Variants in EXOSC7 observed in about 807,000 individuals in gnomAD.
EXOSC7 encodes the protein exosome complex component RRP42.
In EXOSC7, 25 loss-of-function variants were observed where a neutral mutation model predicts 34.3. The observed-to-expected ratio is 0.73, with a 90% CI of 0.53 to 1.02. EXOSC7 has a LOEUF of 1.02. Ranked by LOEUF, EXOSC7 falls within the 50% of genes least tolerant of loss-of-function variation. The probability of loss-of-function intolerance (pLI) is 0.00; values close to 1 mark genes in which losing one functional copy is unlikely to be tolerated. For synonymous variants in EXOSC7, 130 were observed against 143.0 expected (o/e 0.91, Z 0.65); for missense variants, 370 against 368.5 (o/e 1.00, Z -0.03).
At chr3:45,007,622 C>T in intron 7 of EXOSC7, 47 bp downstream of exon 7, 6 of 1,513,188 alleles carry the variant, frequency 4.0e-6, no homozygotes, top group Non-Finnish European at 5.3e-6. Context: ...GCCGGGGTGC[C>T]TGCTGCTTCC....
At chr3:45,007,642 G>C (rs1707090872) in intron 7 of EXOSC7, 67 bp downstream of exon 7, 1 of 1,464,910 alleles carries the variant, frequency 6.8e-7, no homozygotes, top group African/African-American at 1.4e-5. Context: ...CTGCTCCCTT[G>C]GTCATACCGT....
Position 45,001,625 on chromosome 3 carries a change from A to G in EXOSC7, c.491+17A>G. On this transcript the variant is annotated intron_variant, in intron 5 of 7. Coordinates refer to ENST00000265564, the MANE Select transcript of EXOSC7 (RefSeq NM_015004.4). ...CAATACAAGGTAAGTCTTCCTAGAA[A>G]CAGCTCTGCGAACCTGTGGAGAACC... The G allele has an allele frequency of 6.3e-7, 1 of 1,589,634 alleles. No homozygotes were observed. The highest frequency in any genetic ancestry group is 8.6e-7 in the Non-Finnish European group (1 of 1,157,772).
At chr3:45,005,779 TC>T (rs1342347257) in intron 6 of EXOSC7, among the ~76,000 whole-genome samples, 1 of 152,010 alleles carries the variant, frequency 6.6e-6, no homozygotes, top group Non-Finnish European at 1.5e-5. Context: ...GCGAACACTG[TC>T]CCCCCTATGA....
rs534309464 is a variant in EXOSC7, at chr3:44,983,536, AC to A, written c.58-5601del. 2.7e-3 allele frequency among the ~76,000 whole-genome samples: 410 copies of A among 152,208 alleles called. 4 individuals are homozygous for A. The South Asian group carries it at 0.032, about 12-fold the overall frequency. ...AAGGTGGCTGTTTCCACCACACCAC[AC>A]CCTACTGGTAGGGTTGTTGTGATCA... On this transcript the variant is annotated intron_variant, in intron 1 of 7. Coordinates refer to ENST00000265564, the MANE Select transcript of EXOSC7 (RefSeq NM_015004.4).
intron 3 of EXOSC7, among the ~76,000 whole-genome samples, chr3:44,993,062 A>G (rs1419175636): frequency 6.6e-6 from 1 of 152,106 alleles, no homozygotes; most frequent in Non-Finnish European, 1.5e-5. Flanking sequence ...TAGTGCTGCT[A>G]AAGGGGACAC....
At chr3:44,983,208 G>A (rs570583404) in intron 1 of EXOSC7, among the ~76,000 whole-genome samples, 3 of 152,288 alleles carry the variant, frequency 2.0e-5, no homozygotes, top group African/African-American at 7.2e-5. Context: ...CTTCCACTCT[G>A]TCACAAACAG....
At chr3:44,989,873 C>A (rs112483099) in intron 3 of EXOSC7, among the ~76,000 whole-genome samples, 1 of 152,038 alleles carries the variant, frequency 6.6e-6, no homozygotes, top group East Asian at 1.9e-4. Context: ...TTTCCCTGTC[C>A]GATAAAGGAG....
chr3:44,981,042 AGCCTTGAAGT>A (rs1432879983), intron 1 of EXOSC7, among the ~76,000 whole-genome samples: 3 of 152,204 alleles, frequency 2.0e-5, no homozygotes, highest in Non-Finnish European at 4.4e-5. Context: ...GGGATTCTGA[AGCCTTGAAGT>A]GCATTTTACT....
intron 5 of EXOSC7, chr3:45,004,981 T>C (rs1706991822): frequency 8.2e-6 from 2 of 244,358 alleles, no homozygotes; most frequent in Non-Finnish European, 1.6e-5. Context: ...TCTTGTCTTT[T>C]ATTTTTTATA....
intron 1 of EXOSC7, among the ~76,000 whole-genome samples, chr3:44,978,002 C>T (rs1167201434): frequency 6.6e-6 from 1 of 152,176 alleles, no homozygotes; most frequent in African/African-American, 2.4e-5. Flanking sequence ...ATATCTAGCT[C>T]CTGGCATGTT....
chr3:44,997,044 C>G (rs1355211942), intron 3 of EXOSC7, 43 bp from the exon 4 acceptor site: 1 of 1,595,498 alleles, frequency 6.3e-7, no homozygotes. Context: ...GCTTTTTGCA[C>G]TTGGAAAGAC....
chr3:45,001,430 G>A (rs1281448156), intron 4 of EXOSC7, 108 bp from the exon 5 acceptor site: 20 of 819,448 alleles, frequency 2.4e-5, no homozygotes, highest in Middle Eastern at 2.5e-4. Flanking sequence ...GTGACAGAGC[G>A]AGACTCTGTC....
chr3:44,981,642 G>T (rs1194402118), intron 1 of EXOSC7, among the ~76,000 whole-genome samples: 1 of 152,204 alleles, frequency 6.6e-6, no homozygotes, highest in Non-Finnish European at 1.5e-5. Context: ...GATAGGCCAG[G>T]TGCAGTGGCT....
chr3:44,987,141 T>C (rs1706444172), intron 1 of EXOSC7, among the ~76,000 whole-genome samples: 1 of 147,184 alleles, frequency 6.8e-6, no homozygotes, highest in Non-Finnish European at 1.5e-5. Flanking sequence ...ACCCTTCATA[T>C]AAGAAACAAG....
chr3:45,005,798 G>C (rs1304141560), intron 6 of EXOSC7, among the ~76,000 whole-genome samples: 1 of 152,152 alleles, frequency 6.6e-6, no homozygotes, highest in Non-Finnish European at 1.5e-5. Context: ...TGAAATGGGA[G>C]GTTGGAGCAG....
Position 44,989,225 on chromosome 3 carries a change from CCG to C in EXOSC7, c.145_146del (p.Ala49GlnfsTer27), listed in dbSNP as rs1372979811. 6.2e-7 allele frequency: 1 copy of C among 1,613,678 alleles called. No homozygotes were observed. ...GATGTGGTGTCCAACACTAGTGGGT[CCG>C]CCAGGGTCAAGCTGGTGAGTACTGT... is the stretch of plus-strand genomic sequence containing the variant. On this transcript the variant is annotated frameshift_variant, in exon 2 of 8. Coordinates refer to ENST00000265564, the MANE Select transcript of EXOSC7 (RefSeq NM_015004.4). LOFTEE classifies it high-confidence loss of function.
chr3:44,986,402 G>A (rs1452388201), intron 1 of EXOSC7, among the ~76,000 whole-genome samples: 4 of 152,152 alleles, frequency 2.6e-5, no homozygotes, highest in East Asian at 1.9e-4. Flanking sequence ...ACACCCACCC[G>A]CTGAGCCCAT....
At chr3:44,985,413 G>A (rs918932468) in intron 1 of EXOSC7, among the ~76,000 whole-genome samples, 4 of 152,116 alleles carry the variant, frequency 2.6e-5, no homozygotes, top group South Asian at 2.1e-4. Flanking sequence ...TAAAGGCGGC[G>A]TGTCCGGAGT....
At chr3:44,982,946 T>A (rs894579485) in intron 1 of EXOSC7, among the ~76,000 whole-genome samples, 23 of 152,192 alleles carry the variant, frequency 1.5e-4, no homozygotes, top group Non-Finnish European at 2.5e-4. Flanking sequence ...ATGTGGCCCC[T>A]TTCCTAAGGG....
Sources: gnomAD v4.1 joint callset for allele counts (sites outside exome capture counted in the v4.1 genomes callset) on GRCh38, gnomAD v4.1.1 for gene constraint, MANE v1.5 for transcripts, NCBI Gene and HGNC (gene_info 2026-07-23, HGNC 2026-07-21) for gene names.